C12orf42: variants seen among roughly 807,000 people sequenced by gnomAD.
The protein encoded by C12orf42 is uncharacterized protein C12orf42.
C12orf42 carries 25 observed loss-of-function variants against 21.6 expected under a neutral mutation model. That is an observed-to-expected ratio of 1.16 (90% confidence interval 0.84 to 1.62). The LOEUF is 1.62. Among genes scored for constraint, C12orf42 ranks in the 40% most tolerant of loss-of-function variants. The pLI is 0.00. For missense variants in C12orf42, 483 were observed against 459.3 expected (o/e 1.05, Z -0.47); for synonymous variants, 174 against 175.0 (o/e 0.99, Z 0.05).
At chr12:103,524,729 T>G in the C12orf42 span, among the ~76,000 whole-genome samples, 1 of 152,168 alleles carries the variant, frequency 6.6e-6, no homozygotes, top group Non-Finnish European at 1.5e-5. Flanking sequence ...AGAACATAGG[T>G]AGTTTTCTGA....
the C12orf42 span, among the ~76,000 whole-genome samples, chr12:103,189,715 C>A: frequency 6.6e-6 from 1 of 152,178 alleles, no homozygotes; most frequent in South Asian, 2.1e-4. Context: ...AGGCACCAGG[C>A]CCACCCCAGT....
At chr12:103,240,924 T>TA (rs963394799) in intron 10 of C12orf42, among the ~76,000 whole-genome samples, 3 of 152,054 alleles carry the variant, frequency 2.0e-5, no homozygotes, top group Non-Finnish European at 4.4e-5. Context: ...CTGAATGAAT[T>TA]AAAAAAATAA....
At chr12:103,482,961 T>C (rs571640743) in intron 1 of C12orf42, among the ~76,000 whole-genome samples, 3 of 152,274 alleles carry the variant, frequency 2.0e-5, no homozygotes, top group African/African-American at 7.2e-5. Flanking sequence ...TATGACTGAT[T>C]TTACTTTATG....
the C12orf42 span, among the ~76,000 whole-genome samples, chr12:103,064,592 A>T: frequency 6.6e-6 from 1 of 152,250 alleles, no homozygotes; most frequent in Admixed American, 6.5e-5. Context: ...TACAGATTTG[A>T]GCCAGTTTAC....
the C12orf42 span, among the ~76,000 whole-genome samples, chr12:103,072,964 T>C: frequency 0.012 from 1,776 of 152,238 alleles, 40 homozygotes; most frequent in African/African-American, 0.041. Context: ...AATAAACACG[T>C]GGTACATATA....
chr12:103,068,762 C>T, the C12orf42 span, among the ~76,000 whole-genome samples: 1 of 150,826 alleles, frequency 6.6e-6, no homozygotes, highest in African/African-American at 2.4e-5. Flanking sequence ...TATCAGACTC[C>T]AAATTCTTCA....
the C12orf42 span, among the ~76,000 whole-genome samples, chr12:103,208,744 T>C: frequency 6.6e-6 from 1 of 152,206 alleles, no homozygotes; most frequent in African/African-American, 2.4e-5. Flanking sequence ...TGAGTAGGCT[T>C]GTGTTTTAGG....
chr12:103,478,586 T>A, intron 1 of C12orf42, 139 bp from the exon 2 acceptor site: 1 of 256,166 alleles, frequency 3.9e-6, no homozygotes, highest in Non-Finnish European at 7.3e-6. Flanking sequence ...TTCAATAATT[T>A]TTTTTTTTTT....
At chr12:103,452,540 G>A (rs1952014946) in intron 2 of C12orf42, among the ~76,000 whole-genome samples, 1 of 152,000 alleles carries the variant, frequency 6.6e-6, no homozygotes, top group Non-Finnish European at 1.5e-5. Context: ...ATACCCAAAG[G>A]GTTATAAATC....
Position 103,354,194 on chromosome 12 carries a change from C to T in C12orf42, c.259+14693G>A, listed in dbSNP as rs75375028. ...TTTCAAAGAAGGAGTTGGTCTGAGG[C>T]TGCTATTAGTCCAGTAGAATGATGG... On this transcript the variant is annotated intron_variant, in intron 4 of 5. Coordinates refer to ENST00000548883, the MANE Select transcript of C12orf42 (RefSeq NM_198521.5). Among the ~76,000 whole-genome samples the T allele has an allele frequency of 5.2e-3, 789 of 152,256 alleles. 7 individuals are homozygous for T. Among genetic ancestry groups the T allele is most frequent in the African/African-American group, 0.018 (732 of 41,570 alleles).
chr12:103,152,643 G>T, the C12orf42 span, among the ~76,000 whole-genome samples: 13 of 152,204 alleles, frequency 8.5e-5, no homozygotes, highest in African/African-American at 3.1e-4. Flanking sequence ...TAGCAAGGTT[G>T]CTGAGTCCAA....
the C12orf42 span, among the ~76,000 whole-genome samples, chr12:103,069,906 G>A: frequency 6.6e-6 from 1 of 152,128 alleles, no homozygotes; most frequent in African/African-American, 2.4e-5. Flanking sequence ...ATACACTTAG[G>A]GACTTATCAG....
chr12:103,219,985 A>C, the C12orf42 span, among the ~76,000 whole-genome samples: 1 of 152,368 alleles, frequency 6.6e-6, no homozygotes, highest in South Asian at 2.1e-4. Context: ...AGCACTATTT[A>C]CAATAGCAAA....
the C12orf42 span, among the ~76,000 whole-genome samples, chr12:103,068,896 T>C: frequency 2.2e-4 from 28 of 127,914 alleles, no homozygotes; most frequent in Admixed American, 8.5e-4. Flanking sequence ...TATAGATAGA[T>C]AGATAGATAG....
the C12orf42 span, among the ~76,000 whole-genome samples, chr12:103,170,287 T>C: frequency 6.6e-6 from 1 of 152,196 alleles, no homozygotes; most frequent in Non-Finnish European, 1.5e-5. Context: ...ATTGCATGCT[T>C]AATATTTTCA....
chr12:103,381,414 C>T (rs759796144), intron 3 of C12orf42, among the ~76,000 whole-genome samples: 3 of 152,158 alleles, frequency 2.0e-5, no homozygotes, highest in South Asian at 2.1e-4. Flanking sequence ...CCCACCTTTC[C>T]GTACTCTTCT....
intron 4 of C12orf42, among the ~76,000 whole-genome samples, chr12:103,336,163 G>A (rs550501211): frequency 6.6e-6 from 1 of 152,356 alleles, no homozygotes; most frequent in African/African-American, 2.4e-5. Context: ...ACCTTTGCCA[G>A]TGGGCATTGT....
the C12orf42 span, among the ~76,000 whole-genome samples, chr12:103,543,881 T>C: frequency 1.1e-5 from 1 of 88,954 alleles, no homozygotes; most frequent in Non-Finnish European, 2.0e-5. Flanking sequence ...GGTTTTTGGG[T>C]TTTTTTTTTG....
At chr12:103,300,029 T>G (rs2037545312), downstream of C12orf42, among the ~76,000 whole-genome samples, 1 of 152,200 alleles carries the variant, frequency 6.6e-6, no homozygotes, top group Non-Finnish European at 1.5e-5. Flanking sequence ...AGCCCTGATT[T>G]TTACCTCACT....
Sources: gnomAD v4.1 joint callset for allele counts (sites outside exome capture counted in the v4.1 genomes callset) on GRCh38, gnomAD v4.1.1 for gene constraint, MANE v1.5 for transcripts, NCBI Gene and HGNC (gene_info 2026-07-23, HGNC 2026-07-21) for gene names.